Variants in AKAP19 observed in about 807,000 individuals in gnomAD.
AKAP19 encodes A-kinase anchoring protein 19, also known as small A-kinase anchoring protein.
the AKAP19 span, among the ~76,000 whole-genome samples, chr2:190,071,735 AATTAAACTTTTAT>A: frequency 6.6e-6 from 1 of 152,250 alleles, no homozygotes; most frequent in Admixed American, 6.5e-5. Flanking sequence ...AAAATTTCTA[AATTAAACTTTTAT>A]AAAGTGAACG....
the AKAP19 span, among the ~76,000 whole-genome samples, chr2:190,195,011 T>C: frequency 2.0e-5 from 3 of 152,126 alleles, no homozygotes; most frequent in African/African-American, 7.2e-5. Flanking sequence ...TGCACCACCA[T>C]GCCTGGCTAA....
chr2:190,175,894 C>T, the AKAP19 span, among the ~76,000 whole-genome samples: 5 of 152,134 alleles, frequency 3.3e-5, no homozygotes, highest in East Asian at 3.8e-4. Context: ...GGTGATTAGG[C>T]CTTTGGAGCT....
At chr2:189,911,477 A>G in the AKAP19 span, among the ~76,000 whole-genome samples, 1 of 152,126 alleles carries the variant, frequency 6.6e-6, no homozygotes. Flanking sequence ...TAGCTATTCA[A>G]GTACTCTGTA....
At chr2:190,009,340 G>A in the AKAP19 span, among the ~76,000 whole-genome samples, 490 of 152,256 alleles carry the variant, frequency 3.2e-3, no homozygotes, top group African/African-American at 0.011. Flanking sequence ...TTAGGATATC[G>A]TGGTGGCTCA....
the AKAP19 span, chr2:189,930,392 T>C: frequency 1.4e-5 from 5 of 351,436 alleles, no homozygotes; most frequent in South Asian, 3.7e-5. Context: ...AGAAATTGAA[T>C]TGGGGCTGGG....
chr2:190,178,369 G>A, the AKAP19 span, among the ~76,000 whole-genome samples: 3 of 152,248 alleles, frequency 2.0e-5, no homozygotes, highest in East Asian at 3.8e-4. The surrounding 1 kb of genome is among the most constrained non-coding windows in gnomAD (Gnocchi z 6.3). Flanking sequence ...GCAAGTACCT[G>A]TTCACACTGG....
chr2:190,063,697 A>C, the AKAP19 span, among the ~76,000 whole-genome samples: 1 of 152,124 alleles, frequency 6.6e-6, no homozygotes, highest in Non-Finnish European at 1.5e-5. Flanking sequence ...GTTGTTTCCC[A>C]ATACTGCGAT....
the AKAP19 span, among the ~76,000 whole-genome samples, chr2:190,186,685 T>C: frequency 6.6e-6 from 1 of 152,180 alleles, no homozygotes; most frequent in African/African-American, 2.4e-5. This position sits in a 1 kb window ranked among gnomAD's most constrained non-coding sequence, Gnocchi z 5.5. Context: ...ATAGTCCAAG[T>C]GAATGATTCT....
the AKAP19 span, among the ~76,000 whole-genome samples, chr2:190,087,590 C>A: frequency 1.3e-5 from 2 of 152,198 alleles, no homozygotes; most frequent in Non-Finnish European, 2.9e-5. Flanking sequence ...CTCCCTTTAA[C>A]CATTCCTCAA....
chr2:190,166,612 T>G, the AKAP19 span, among the ~76,000 whole-genome samples: 1 of 152,124 alleles, frequency 6.6e-6, no homozygotes, highest in Non-Finnish European at 1.5e-5. Flanking sequence ...ATAAATGATT[T>G]AGCACTTGAA....
At chr2:189,901,104 C>A in the AKAP19 span, among the ~76,000 whole-genome samples, 1 of 151,892 alleles carries the variant, frequency 6.6e-6, no homozygotes, top group African/African-American at 2.4e-5. Context: ...GTCAGCCTGA[C>A]CCCTTTTCTC....
chr2:190,161,758 G>T, the AKAP19 span, among the ~76,000 whole-genome samples: 1 of 152,202 alleles, frequency 6.6e-6, no homozygotes, highest in East Asian at 1.9e-4. Flanking sequence ...ATGTGTTCTG[G>T]ACTTACTTTT....
the AKAP19 span, among the ~76,000 whole-genome samples, chr2:190,052,464 G>A: frequency 1.3e-5 from 2 of 152,112 alleles, no homozygotes; most frequent in African/African-American, 2.4e-5. Context: ...AATCATGTAG[G>A]CATACTTTCT....
the AKAP19 span, among the ~76,000 whole-genome samples, chr2:190,028,103 A>G: frequency 2.0e-5 from 3 of 151,956 alleles, no homozygotes; most frequent in African/African-American, 7.2e-5. Flanking sequence ...TTAATTTTTC[A>G]TTCTTTGCTT....
At chr2:190,003,735 G>A in the AKAP19 span, among the ~76,000 whole-genome samples, 48 of 152,042 alleles carry the variant, frequency 3.2e-4, no homozygotes, top group Admixed American at 9.8e-4. Context: ...GTGGTGGTAC[G>A]CGTCTGTAAT....
chr2:189,880,257 G>T, the AKAP19 span, among the ~76,000 whole-genome samples: 13 of 152,024 alleles, frequency 8.6e-5, no homozygotes. Context: ...TTTTTTGGTG[G>T]TTTTTTTGAG....
chr2:189,961,563 T>G, the AKAP19 span, among the ~76,000 whole-genome samples: 2 of 152,126 alleles, frequency 1.3e-5, no homozygotes, highest in African/African-American at 4.8e-5. Flanking sequence ...AATTATGGTT[T>G]AATTTACCTC....
the AKAP19 span, among the ~76,000 whole-genome samples, chr2:190,197,921 A>AT: frequency 6.6e-6 from 1 of 152,044 alleles, no homozygotes; most frequent in Non-Finnish European, 1.5e-5. The surrounding 1 kb of genome is among the most constrained non-coding windows in gnomAD (Gnocchi z 4.0). Flanking sequence ...TCTCCAAGTA[A>AT]TTTTTTTCAG....
chr2:190,036,861 C>T, the AKAP19 span, among the ~76,000 whole-genome samples: 2 of 152,142 alleles, frequency 1.3e-5, no homozygotes, highest in Admixed American at 6.5e-5. Context: ...AAGTTCACAT[C>T]CTGCTTTAAC....
Sources: allele counts gnomAD v4.1 joint callset (sites outside exome capture counted in the v4.1 genomes callset), GRCh38; gene constraint gnomAD v4.1.1; non-coding constraint Gnocchi (gnomAD v3.1); transcripts MANE v1.5; gene names NCBI Gene and HGNC (gene_info 2026-07-23, HGNC 2026-07-21).